The following CAPRIN1 variants were observed in gnomAD, a reference collection of about 807,000 sequenced individuals.
The protein encoded by CAPRIN1 is cell cycle associated protein 1, also known as caprin-1.
Under a neutral mutation model 100.9 loss-of-function variants are expected in CAPRIN1, and 29 were observed. The ratio of observed to expected loss-of-function variants is 0.29; its 90% CI spans 0.21 to 0.39. The LOEUF is 0.39. CAPRIN1 is among the 10% of genes least tolerant of loss of function. CAPRIN1 has a pLI of 1.00. For missense variants in CAPRIN1, 795 were observed against 876.7 expected (o/e 0.91, Z 1.18); for synonymous variants, 338 against 307.5 (o/e 1.10, Z -1.04).
intron 7 of CAPRIN1, among the ~76,000 whole-genome samples, chr11:34,080,118 T>G (rs2134115904): frequency 6.6e-6 from 1 of 152,084 alleles, no homozygotes; most frequent in South Asian, 2.1e-4. Flanking sequence ...AAAGACGGGG[T>G]TTCACTGTGT....
chr11:34,087,165 G>A (rs1404200277), intron 11 of CAPRIN1, among the ~76,000 whole-genome samples: 1 of 152,070 alleles, frequency 6.6e-6, no homozygotes, highest in Non-Finnish European at 1.5e-5. Flanking sequence ...GAACACATCA[G>A]TTTTAGTTGC....
chr11:34,099,179 C>G, intron 18 of CAPRIN1, 124 bp from the exon 19 acceptor site: 1 of 1,497,972 alleles, frequency 6.7e-7, no homozygotes, highest in Non-Finnish European at 9.0e-7. Context: ...GAAGAATTGA[C>G]CTCTTAAGCC....
intron 4 of CAPRIN1, among the ~76,000 whole-genome samples, chr11:34,073,384 T>TA (rs1311532149): frequency 6.6e-6 from 1 of 152,222 alleles, no homozygotes; most frequent in African/African-American, 2.4e-5. Context: ...GTGGTAATAA[T>TA]AACCTCATAC....
intron 1 of CAPRIN1, 150 bp downstream of exon 1, chr11:34,052,021 C>T (rs895582029): frequency 1.3e-5 from 2 of 151,432 alleles, no homozygotes; most frequent in African/African-American, 4.9e-5. Flanking sequence ...TTCTCTGCCC[C>T]CAAGCCCCGA....
chr11:34,068,017 G>C (rs550760760), intron 2 of CAPRIN1, among the ~76,000 whole-genome samples: 25 of 152,268 alleles, frequency 1.6e-4, no homozygotes, highest in African/African-American at 5.8e-4. Context: ...CAAAGATTCT[G>C]CCTGTCAGGG....
At chr11:34,073,756 A>G (rs1248781424) in intron 4 of CAPRIN1, among the ~76,000 whole-genome samples, 2 of 152,166 alleles carry the variant, frequency 1.3e-5, no homozygotes, top group African/African-American at 2.4e-5. Context: ...TACTTATTAC[A>G]TCTGATCAGG....
chr11:34,061,727 T>C (rs1850582492), intron 2 of CAPRIN1, among the ~76,000 whole-genome samples: 1 of 151,908 alleles, frequency 6.6e-6, no homozygotes, highest in Admixed American at 6.6e-5. Context: ...CCTAACACTT[T>C]TGGGAGGCTG....
rs1481292654 is a variant in CAPRIN1 at position 34,052,234 on chromosome 11, G to A, written c.1-187G>A. ...GGTGCGAGGCCCAGCCGGGCGCCCC[G>A]CTGGCGGGTCGCGCGCGCGCCCGCG... On this transcript the variant is annotated intron_variant, in intron 1 of 18. Coordinates refer to ENST00000341394, the MANE Select transcript of CAPRIN1 (RefSeq NM_005898.5). 7.4e-5 allele frequency: 15 copies of A among 203,704 alleles called. 1 individual carries two copies. Among genetic ancestry groups the A allele is most frequent in the Admixed American group, 1.1e-4 (1 of 9,472 alleles). The allele number at this position is 203,704 out of a possible 1,614,324, so 12.6% of individuals were successfully genotyped here. A position where few individuals can be genotyped will look rare whatever the true frequency, so the allele number is the denominator to read the frequency against.
At chr11:34,095,798 A>AT (rs1851358242) in intron 15 of CAPRIN1, 1 of 152,206 alleles carries the variant, frequency 6.6e-6, no homozygotes, top group South Asian at 2.1e-4. Flanking sequence ...TGGAGCTTGT[A>AT]TATATGTTAG....
intron 2 of CAPRIN1, among the ~76,000 whole-genome samples, chr11:34,066,534 G>A (rs1005051401): frequency 3.2e-4 from 49 of 151,402 alleles, no homozygotes; most frequent in African/African-American, 7.8e-4. Flanking sequence ...GGGTTTCACC[G>A]TATTGGCCAG....
In CAPRIN1 at chr11:34,090,768, T is replaced by C. The variant is rs1284521194; in HGVS notation, c.1554+90T>C. On this transcript the variant is annotated intron_variant, in intron 14 of 18. Coordinates refer to ENST00000341394, the MANE Select transcript of CAPRIN1 (RefSeq NM_005898.5). ...TTTTTTAAAGGTCTTCATTTAACTG[T>C]GCTTGAGTCTGCATCTTTCATTAAC... 6.4e-6 allele frequency: 7 copies of C among 1,090,824 alleles called. No homozygotes were observed. In the East Asian group the frequency reaches 1.0e-4, roughly 16 times the overall value. The allele number at this position is 1,090,824 out of a possible 1,614,324, so 67.6% of individuals were successfully genotyped here.
rs1457273035 is a variant in CAPRIN1, at chr11:34,097,697, G to A, written c.2002-1G>A. Reference sequence around the variant, plus strand: ...TCAATACTAACTAGCTTGTCTTTTAGGATGGATATCAGCAGAATTTCAAGC... The same window carrying A: ...TCAATACTAACTAGCTTGTCTTTTAAGATGGATATCAGCAGAATTTCAAGC... On this transcript the variant is annotated splice_acceptor_variant, in intron 17 of 18. Coordinates refer to ENST00000341394, the MANE Select transcript of CAPRIN1 (RefSeq NM_005898.5). LOFTEE classifies it high-confidence loss of function. 2 of 1,614,038 alleles carry A rather than the reference G, an allele frequency of 1.2e-6. No homozygotes were observed. Among genetic ancestry groups the A allele is most frequent in the Non-Finnish European group, 8.5e-7 (1 of 1,179,924 alleles).
At chr11:34,084,436 A>G (rs979479906) in intron 9 of CAPRIN1, among the ~76,000 whole-genome samples, 16 of 152,218 alleles carry the variant, frequency 1.1e-4, no homozygotes, top group African/African-American at 3.9e-4. Context: ...CAGAAATGTT[A>G]TAGGAGGATT....
At position 34,090,204 on chromosome 11, in the gene CAPRIN1, AG is replaced by A; in HGVS notation, c.1323del (p.Tyr442ThrfsTer32). ...TQVPLVSSTS[E>X]GYTASQPLYQ... ...GTTCCTTTGGTATCATCCACAAGTGAGGGGTACACAGCATCTCAACCCTTGT... is the reference window on the plus strand; with the variant it reads ...GTTCCTTTGGTATCATCCACAAGTGAGGGTACACAGCATCTCAACCCTTGT... On this transcript the variant is annotated frameshift_variant, in exon 13 of 19. Transcript: ENST00000341394. LOFTEE classifies it high-confidence loss of function. The A allele has an allele frequency of 6.2e-7, 1 of 1,612,778 alleles. No individual in the cohort carries two copies. Among genetic ancestry groups the A allele is most frequent in the Non-Finnish European group, 8.5e-7 (1 of 1,178,898 alleles).
chr11:34,088,702 T>C (rs1208200294), intron 11 of CAPRIN1, among the ~76,000 whole-genome samples: 1 of 152,042 alleles, frequency 6.6e-6, no homozygotes, highest in East Asian at 1.9e-4. Flanking sequence ...AATGGAATAC[T>C]ATCTGTCTGA....
At position 34,052,540 on chromosome 11, in the gene CAPRIN1, G is replaced by C; in HGVS notation, c.120G>C (p.Gln40His). Reference sequence around the variant, plus strand: ...CCGGGGCCGCCGCGCCGGCTTCTCAGCACCCCGCAACCGGCACCGGCGCTG... The same window carrying C: ...CCGGGGCCGCCGCGCCGGCTTCTCACCACCCCGCAACCGGCACCGGCGCTG... ...AGAGAAAPASQHPATGTGAVQ... is the reference protein window; with the variant it reads ...AGAGAAAPASHHPATGTGAVQ... Residue 40 changes from glutamine (Q) to histidine (H), a missense_variant, in exon 2 of 19, where the codon CAG (glutamine) becomes CAC (histidine). Physicochemically the swap from Gln to His is conservative, Grantham distance 24. Around this residue, in one of 3 missense-constraint regions of CAPRIN1, gnomAD observed 109 missense variants for 86.6 expected, o/e 1.26. Transcript: ENST00000341394. 6.2e-7 allele frequency: 1 copy of C among 1,608,394 alleles called. No individual in the cohort carries two copies. The highest frequency in any genetic ancestry group is 1.1e-5 in the South Asian group (1 of 90,688).
In CAPRIN1 at chr11:34,086,064, G is replaced by A. The variant is rs377578608; in HGVS notation, c.967G>A (p.Val323Met). 1 of 1,612,262 alleles carries A rather than the reference G, an allele frequency of 6.2e-7. No individual in the cohort carries two copies. Among genetic ancestry groups the A allele is most frequent in the Non-Finnish European group, 8.5e-7 (1 of 1,179,514 alleles). The change falls in exon 10 of 19, where the codon GTG becomes ATG. Residue 323 changes from valine to methionine, a missense_variant and splice_region_variant. Transcript: ENST00000341394. ...TCTAATCCTTTTTTTTCTACCTTAGGTGGTAAATTCACTCCAGCAGCAACC... is the reference window on the plus strand; with the variant it reads ...TCTAATCCTTTTTTTTCTACCTTAGATGGTAAATTCACTCCAGCAGCAACC... ...VDEWTVETVE[V>M]VNSLQQQPQA...
At chr11:34,066,891 C>G (rs533139274) in intron 2 of CAPRIN1, among the ~76,000 whole-genome samples, 3 of 151,358 alleles carry the variant, frequency 2.0e-5, no homozygotes. Context: ...CTCAGCCTCC[C>G]GAAGTGCTAG....
At position 34,054,232 on chromosome 11, in the gene CAPRIN1, T is replaced by C. The variant is rs201317667; in HGVS notation, c.216+1596T>C. Among the ~76,000 whole-genome samples, 32 of 152,158 alleles carry C rather than the reference T, an allele frequency of 2.1e-4. 1 individual carries two copies. Among genetic ancestry groups the C allele is most frequent in the Middle Eastern group, 6.8e-3 (2 of 294 alleles). On this transcript the variant is annotated intron_variant, in intron 2 of 18. Coordinates refer to ENST00000341394, the MANE Select transcript of CAPRIN1 (RefSeq NM_005898.5). ...TCATGGACTTGGGATTTCTTTTTTT[T>C]CCCAATCCTTTATTTTGATAAATGT...
Sources: gnomAD v4.1 joint callset for allele counts (sites outside exome capture counted in the v4.1 genomes callset) on GRCh38, gnomAD v4.1.1 for gene constraint, gnomAD v4.1.1 regional missense constraint, MANE v1.5 for transcripts, NCBI Gene and HGNC (gene_info 2026-07-23, HGNC 2026-07-21) for gene names.